CADPS: variants seen among roughly 807,000 people sequenced by gnomAD.
CADPS encodes the protein calcium dependent secretion activator, also known as calcium-dependent secretion activator 1.
Under a neutral mutation model 167.3 loss-of-function variants are expected in CADPS, and 57 were observed. That is an observed-to-expected ratio of 0.34 (90% CI 0.28 to 0.42). The LOEUF is 0.42. Among genes scored for constraint, CADPS ranks in the 20% least tolerant of loss-of-function variants. CADPS has a pLI of 1.00. For synonymous variants in CADPS, 676 were observed against 635.3 expected (o/e 1.06, Z -0.96); for missense variants, 1,414 against 1,738.1 (o/e 0.81, Z 3.32).
intron 3 of CADPS, among the ~76,000 whole-genome samples, chr3:62,727,943 ATTT>A (rs908398368): frequency 8.6e-5 from 13 of 151,844 alleles, no homozygotes; most frequent in Non-Finnish European, 1.6e-4. Flanking sequence ...CACAAACTCA[ATTT>A]TGGTTCTACT....
At chr3:62,502,146 T>C (rs998359025) in intron 17 of CADPS, among the ~76,000 whole-genome samples, 1 of 152,250 alleles carries the variant, frequency 6.6e-6, no homozygotes, top group African/African-American at 2.4e-5. Context: ...TATTTTCCTG[T>C]TTGTTTGCAT....
In CADPS at chr3:62,399,397, C is replaced by T; in HGVS notation, c.*9G>A. On this transcript the variant is annotated 3_prime_UTR_variant, in exon 30 of 30. Transcript: ENST00000383710. The surrounding 1 kb of genome is among the most constrained non-coding windows in gnomAD (Gnocchi z 5.6). ...GACTCTGTCCCAGCAGACTCTAGGA[C>T]CAAATGGTCTAATCGTCTTCTTCGT... 1.2e-6 allele frequency: 2 copies of T among 1,613,922 alleles called. No homozygotes were observed. The highest frequency in any genetic ancestry group is 1.7e-6 in the Non-Finnish European group (2 of 1,179,804).
chr3:62,782,237 A>G (rs984544932), intron 1 of CADPS, among the ~76,000 whole-genome samples: 22 of 152,222 alleles, frequency 1.4e-4, no homozygotes, highest in African/African-American at 2.7e-4. Context: ...AAGCCTCTCT[A>G]AAGTTTAACA....
intron 29 of CADPS, among the ~76,000 whole-genome samples, chr3:62,401,556 T>C (rs536949032): frequency 3.9e-5 from 6 of 152,220 alleles, no homozygotes; most frequent in South Asian, 2.1e-4. Flanking sequence ...CAATTATCCT[T>C]GGAAATTTGC....
At chr3:62,706,323 G>A (rs542998201) in intron 3 of CADPS, among the ~76,000 whole-genome samples, 1 of 152,186 alleles carries the variant, frequency 6.6e-6, no homozygotes, top group African/African-American at 2.4e-5. Flanking sequence ...CTTTACACAT[G>A]TATTGCCTTT....
At chr3:62,577,840 C>T (rs9874103) in intron 8 of CADPS, among the ~76,000 whole-genome samples, 2,555 of 152,202 alleles carry the variant, frequency 0.017, 51 homozygotes, top group African/African-American at 0.058. Flanking sequence ...GCGATTTGAT[C>T]TAATTGGCAT....
intron 27 of CADPS, chr3:62,440,839 A>C (rs538321371): frequency 3.3e-5 from 5 of 152,250 alleles, no homozygotes; most frequent in African/African-American, 9.6e-5. Flanking sequence ...AGACTCACCA[A>C]CCGCTGGGGT....
At chr3:62,408,876 C>T (rs553035455) in intron 28 of CADPS, among the ~76,000 whole-genome samples, 2 of 152,288 alleles carry the variant, frequency 1.3e-5, no homozygotes, top group Admixed American at 1.3e-4. Context: ...TACACAAACC[C>T]CTGTCAGACC....
At chr3:62,668,099 G>T (rs762668314) in intron 3 of CADPS, among the ~76,000 whole-genome samples, 1 of 152,154 alleles carries the variant, frequency 6.6e-6, no homozygotes, top group Admixed American at 6.5e-5. Flanking sequence ...CATCAGTGTC[G>T]CTGCCAAGAG....
chr3:62,782,933 T>C (rs1453645827), intron 1 of CADPS, among the ~76,000 whole-genome samples: 2 of 152,066 alleles, frequency 1.3e-5, no homozygotes, highest in African/African-American at 4.8e-5. Context: ...CTAATTTTTG[T>C]ATTTTTAGTA....
intron 3 of CADPS, among the ~76,000 whole-genome samples, chr3:62,681,733 T>C (rs553561719): frequency 5.9e-5 from 9 of 152,202 alleles, no homozygotes; most frequent in African/African-American, 1.9e-4. Flanking sequence ...AGGGGCCTTG[T>C]TACAGAGTGT....
intron 1 of CADPS, among the ~76,000 whole-genome samples, chr3:62,866,343 C>T (rs983461273): frequency 2.0e-5 from 3 of 152,012 alleles, no homozygotes; most frequent in South Asian, 2.1e-4. Context: ...ACTATTTCCT[C>T]TCTTTAGAAG....
intron 9 of CADPS, among the ~76,000 whole-genome samples, chr3:62,560,776 T>C (rs1473823992): frequency 6.6e-6 from 1 of 152,118 alleles, no homozygotes; most frequent in Non-Finnish European, 1.5e-5. Context: ...TTTGAAGTAA[T>C]GTTCCTTAAA....
chr3:62,504,566 T>C (rs183713696), intron 17 of CADPS, among the ~76,000 whole-genome samples: 1 of 152,322 alleles, frequency 6.6e-6, no homozygotes, highest in East Asian at 1.9e-4. Context: ...GCTAAATGGG[T>C]CTTGATGAGA....
chr3:62,754,903 A>G (rs529942785), intron 2 of CADPS, among the ~76,000 whole-genome samples: 12 of 152,282 alleles, frequency 7.9e-5, no homozygotes, highest in Admixed American at 3.3e-4. Flanking sequence ...TTGAAAGTAT[A>G]CAAGTATCAG....
intron 1 of CADPS, among the ~76,000 whole-genome samples, chr3:62,823,183 T>G (rs1312176398): frequency 1.3e-5 from 2 of 152,230 alleles, no homozygotes; most frequent in African/African-American, 4.8e-5. Flanking sequence ...GTGGCAGCAC[T>G]AACTCAGGTG....
intron 4 of CADPS, among the ~76,000 whole-genome samples, chr3:62,661,198 G>GA (rs141584986): frequency 0.092 from 14,034 of 152,188 alleles, 694 homozygotes; most frequent in Non-Finnish European, 0.11. Context: ...CTCAACCCTT[G>GA]AGGAGTTCTA....
intron 3 of CADPS, among the ~76,000 whole-genome samples, chr3:62,703,030 C>A (rs1412200367): frequency 6.6e-6 from 1 of 151,930 alleles, no homozygotes; most frequent in African/African-American, 2.4e-5. Context: ...GTGCCGGAGC[C>A]CATGTTCTCG....
intron 1 of CADPS, among the ~76,000 whole-genome samples, chr3:62,839,609 A>C (rs1427228338): frequency 6.6e-6 from 1 of 152,138 alleles, no homozygotes; most frequent in African/African-American, 2.4e-5. Flanking sequence ...GCTAAGACTC[A>C]CCTGTAGGGT....
Sources: gnomAD v4.1 joint callset for allele counts (sites outside exome capture counted in the v4.1 genomes callset) on GRCh38, gnomAD v4.1.1 for gene constraint, Gnocchi (gnomAD v3.1) non-coding constraint, MANE v1.5 for transcripts, NCBI Gene and HGNC (gene_info 2026-07-23, HGNC 2026-07-21) for gene names.